Variants in AP3S1 observed in about 807,000 individuals in gnomAD.
The protein encoded by AP3S1 is AP-3 complex subunit sigma-1.
AP3S1 carries 12 observed loss-of-function variants against 21.3 expected under a neutral mutation model. That is an observed-to-expected ratio of 0.56 (90% CI 0.36 to 0.91). AP3S1 has a LOEUF of 0.91. Ranked by LOEUF, AP3S1 falls within the 40% of genes least tolerant of loss-of-function variation. AP3S1 has a pLI of 0.01. For missense variants in AP3S1, 116 were observed against 225.0 expected, an observed-to-expected ratio of 0.52 and a Z score of 3.10; for synonymous variants, 48 against 78.4, an observed-to-expected ratio of 0.61 and a Z score of 2.05.
intron 1 of AP3S1, among the ~76,000 whole-genome samples, chr5:115,865,752 T>C (rs1580653429): frequency 6.6e-6 from 1 of 152,114 alleles, no homozygotes; most frequent in East Asian, 1.9e-4. Flanking sequence ...GTGAAATTGG[T>C]GTTCATGATT....
intron 3 of AP3S1, among the ~76,000 whole-genome samples, chr5:115,883,535 C>T (rs892281280): frequency 2.6e-5 from 4 of 152,174 alleles, no homozygotes; most frequent in African/African-American, 7.2e-5. Flanking sequence ...TGGCTACACT[C>T]GCTATCTCAC....
chr5:115,884,447 C>A (rs1749597390), intron 3 of AP3S1, among the ~76,000 whole-genome samples: 1 of 152,180 alleles, frequency 6.6e-6, no homozygotes, highest in South Asian at 2.1e-4. Context: ...CGCCTGTAAT[C>A]CCAGCTACTT....
chr5:115,913,447 G>A lies in AP3S1; in HGVS notation c.539G>A (p.Gly180Asp), dbSNP rs779741354. ...LPEIPRNINI[G>D]DISIKVPNLP... is the part of the protein sequence containing the mutation. ...GAGATCCCAAGAAATATTAACATTG[G>A]TGACATCAGTATAAAAGTGCCAAAC... Residue 180 changes from glycine to aspartate, a missense_variant, in exon 6 of 6, where the codon GGT becomes GAT. Physicochemically the swap from Gly to Asp is moderately conservative, Grantham distance 94. This residue lies in a region of AP3S1 where 1 missense variants were observed against 21.2 expected (regional missense o/e 0.05). Coordinates refer to ENST00000316788, the MANE Select transcript of AP3S1 (RefSeq NM_001284.4). 1.9e-6 allele frequency: 3 copies of A among 1,613,936 alleles called. No individual in the cohort carries two copies. Among genetic ancestry groups the A allele is most frequent in the South Asian group, 1.1e-5 (1 of 91,062 alleles).
At chr5:115,875,944 A>G (rs1210660363) in intron 3 of AP3S1, among the ~76,000 whole-genome samples, 1 of 152,144 alleles carries the variant, frequency 6.6e-6, no homozygotes, top group African/African-American at 2.4e-5. Context: ...AGTTATTTAC[A>G]TTGCTATTTG....
rs374006319 is a variant in AP3S1, at chr5:115,876,799, TA to T, written c.273+6673del. Among the ~76,000 whole-genome samples, 24 of 152,310 alleles carry T rather than the reference TA, an allele frequency of 1.6e-4. No individual in the cohort carries two copies. The East Asian group carries it at 4.4e-3, about 28-fold the overall frequency. On this transcript the variant is annotated intron_variant, in intron 3 of 5. Coordinates refer to ENST00000316788, the MANE Select transcript of AP3S1 (RefSeq NM_001284.4). ...CAATTTGGGTTTGTTTGATACTTCT[TA>T]ATGATTTAGATTGTGCATTTTGGGC...
chr5:115,878,248 T>C (rs1238272790), intron 3 of AP3S1, among the ~76,000 whole-genome samples: 1 of 152,222 alleles, frequency 6.6e-6, no homozygotes, highest in Non-Finnish European at 1.5e-5. Flanking sequence ...CAATTGCTTT[T>C]GGTGTTTTAG....
chr5:115,846,841 A>G (rs958552720), intron 1 of AP3S1, among the ~76,000 whole-genome samples: 5 of 152,122 alleles, frequency 3.3e-5, no homozygotes, highest in African/African-American at 1.2e-4. Flanking sequence ...GTTTCCTTCC[A>G]TATTAGTTAT....
chr5:115,889,624 G>C (rs555578773), intron 3 of AP3S1, among the ~76,000 whole-genome samples: 1 of 152,268 alleles, frequency 6.6e-6, no homozygotes, highest in East Asian at 1.9e-4. Context: ...GCAAGCCACA[G>C]AACTGGCAAA....
chr5:115,873,124 G>A (rs905327818), intron 3 of AP3S1, among the ~76,000 whole-genome samples: 5 of 152,200 alleles, frequency 3.3e-5, no homozygotes, highest in East Asian at 1.9e-4. Context: ...TTATGCTTGC[G>A]TCCTGAGATT....
intron 3 of AP3S1, among the ~76,000 whole-genome samples, chr5:115,890,139 A>C (rs983496279): frequency 1.2e-4 from 19 of 152,306 alleles, no homozygotes; most frequent in South Asian, 4.1e-4. Flanking sequence ...TAGCAGTTCT[A>C]CTCCAAGTAT....
intron 3 of AP3S1, among the ~76,000 whole-genome samples, chr5:115,893,478 G>T (rs576097035): frequency 6.6e-6 from 1 of 152,130 alleles, no homozygotes; most frequent in African/African-American, 2.4e-5. Context: ...GGTTTCCATC[G>T]ATAGTAAACT....
chr5:115,912,512 CCTA>C (rs1752185191), intron 5 of AP3S1, among the ~76,000 whole-genome samples: 4 of 151,944 alleles, frequency 2.6e-5, no homozygotes, highest in Admixed American at 2.6e-4. Flanking sequence ...TACAAATGTT[CCTA>C]CTAATAGGAA....
At chr5:115,894,570 G>A (rs888124690) in intron 3 of AP3S1, among the ~76,000 whole-genome samples, 1 of 152,190 alleles carries the variant, frequency 6.6e-6, no homozygotes, top group Non-Finnish European at 1.5e-5. Flanking sequence ...CTCTTCCCAC[G>A]AGGTCATACA....
chr5:115,905,032 C>A (rs1044080251), intron 5 of AP3S1, among the ~76,000 whole-genome samples: 1 of 152,002 alleles, frequency 6.6e-6, no homozygotes, highest in Non-Finnish European at 1.5e-5. Flanking sequence ...ACATTTATGC[C>A]TGGTGTTCCA....
At chr5:115,859,181 G>T (rs1185404879) in intron 1 of AP3S1, among the ~76,000 whole-genome samples, 1 of 152,198 alleles carries the variant, frequency 6.6e-6, no homozygotes, top group Non-Finnish European at 1.5e-5. Context: ...AGGTAATCAA[G>T]CTAGGCAGTT....
At position 115,881,728 on chromosome 5, in the gene AP3S1, G is replaced by A. The variant is rs183669318; in HGVS notation, c.273+11600G>A. 6.6e-3 allele frequency among the ~76,000 whole-genome samples: 1,011 copies of A among 152,226 alleles called. 11 individuals carry two copies. Among genetic ancestry groups the A allele is most frequent in the African/African-American group, 0.022 (895 of 41,528 alleles). ...TAACTTTGTGTTCTCTGTATTTCCT[G>A]AATTTGAATGTTGGCCTGCCTTGCT... On this transcript the variant is annotated intron_variant, in intron 3 of 5. Transcript: ENST00000316788.
chr5:115,891,571 G>A (rs902954299), intron 3 of AP3S1, among the ~76,000 whole-genome samples: 1 of 152,096 alleles, frequency 6.6e-6, no homozygotes, highest in Non-Finnish European at 1.5e-5. Flanking sequence ...TTATTATAAA[G>A]AATATTACAA....
At chr5:115,852,362 A>T (rs1762497791) in intron 1 of AP3S1, among the ~76,000 whole-genome samples, 1 of 152,150 alleles carries the variant, frequency 6.6e-6, no homozygotes, top group South Asian at 2.1e-4. Flanking sequence ...AAAGTTCTGT[A>T]AGAAGACTTT....
At chr5:115,910,722 A>T (rs975939168) in intron 5 of AP3S1, among the ~76,000 whole-genome samples, 2 of 152,144 alleles carry the variant, frequency 1.3e-5, no homozygotes, top group African/African-American at 4.8e-5. Flanking sequence ...AAATTTTTAT[A>T]TATAAACATT....
Sources: gnomAD v4.1 joint callset for allele counts (sites outside exome capture counted in the v4.1 genomes callset) on GRCh38, gnomAD v4.1.1 for gene constraint, gnomAD v4.1.1 regional missense constraint, MANE v1.5 for transcripts, NCBI Gene and HGNC (gene_info 2026-07-23, HGNC 2026-07-21) for gene names.